Variants in PCDHGB4 observed in about 807,000 individuals in gnomAD.
PCDHGB4 encodes protocadherin gamma subfamily B, 4.
A neutral mutation model predicts 60.5 loss-of-function variants in PCDHGB4; 38 were observed. That is an observed-to-expected ratio of 0.63 (90% CI 0.48 to 0.82). PCDHGB4 has a LOEUF of 0.82. Ranked by LOEUF, PCDHGB4 falls within the 40% of genes least tolerant of loss-of-function variation. The probability of loss-of-function intolerance (pLI) is 0.00; values close to 1 mark genes in which losing one functional copy is unlikely to be tolerated. For missense variants in PCDHGB4, 1,109 were observed against 1,209.6 expected, an observed-to-expected ratio of 0.92 and a Z score of 1.23; for synonymous variants, 456 against 509.7, an observed-to-expected ratio of 0.89 and a Z score of 1.42.
chr5:141,492,079 G>C (rs1400390407), intron 1 of PCDHGB4: 3 of 486,286 alleles, frequency 6.2e-6, no homozygotes, highest in South Asian at 4.1e-5. Flanking sequence ...CGCCGGCTCC[G>C]GCACGCTTCG....
intron 3 of PCDHGB4, among the ~76,000 whole-genome samples, chr5:141,509,420 G>A (rs1384424118): frequency 6.6e-6 from 1 of 152,128 alleles, no homozygotes; most frequent in East Asian, 1.9e-4. Context: ...GAGCCCCAAT[G>A]AGTCAAACTC....
In PCDHGB4 at chr5:141,476,933, GA is replaced by G; in HGVS notation, c.2398-17872del. 1 of 1,614,176 alleles carries G rather than the reference GA, an allele frequency of 6.2e-7. No individual in the cohort carries two copies. Reference sequence around the variant, plus strand: ...ACAAGTCCTTGCAACGGATCTGGATGAAGGCCCCAACGGTGAAATTATTTAC... The same window carrying G: ...ACAAGTCCTTGCAACGGATCTGGATGAGGCCCCAACGGTGAAATTATTTAC... On this transcript the variant is annotated intron_variant, in intron 1 of 3. Transcript: ENST00000519479. This position sits in a 1 kb window ranked among gnomAD's most constrained non-coding sequence, Gnocchi z 7.6.
At chr5:141,409,573 C>T (rs562811168) in intron 1 of PCDHGB4, 4 of 1,613,934 alleles carry the variant, frequency 2.5e-6, no homozygotes, top group African/African-American at 2.7e-5. Flanking sequence ...AGACGTCCTA[C>T]GTGGTCCACG....
chr5:141,403,367 G>A (rs753470303), intron 1 of PCDHGB4: 1 of 1,614,038 alleles, frequency 6.2e-7, no homozygotes, highest in South Asian at 1.1e-5. Context: ...CGAAAGTCTG[G>A]AAGTAAAAAT....
intron 1 of PCDHGB4, among the ~76,000 whole-genome samples, chr5:141,469,489 C>T (rs1013080566): frequency 4.6e-5 from 7 of 151,928 alleles, no homozygotes; most frequent in Middle Eastern, 3.4e-3. Context: ...GCAGGAGAAT[C>T]GCTTGAACCC....
intron 1 of PCDHGB4, chr5:141,399,577 T>C: frequency 1.2e-6 from 2 of 1,613,972 alleles, no homozygotes; most frequent in Non-Finnish European, 1.7e-6. Context: ...CGGCCAAGTC[T>C]CCTACTCTAT....
chr5:141,501,132 G>T (rs371444727), intron 2 of PCDHGB4, among the ~76,000 whole-genome samples: 2 of 152,262 alleles, frequency 1.3e-5, no homozygotes, highest in East Asian at 3.9e-4. Flanking sequence ...CTCCCTAAGT[G>T]CTGGGATTAC....
rs527630741 is a variant in PCDHGB4, at chr5:141,493,568, G to A, written c.2398-1239G>A. ...TTGGAGATTGAGTTCCCCCAGCTCC[G>A]TTTCCTCCTATCACAATCACTGCAT... is the stretch of plus-strand genomic sequence containing the variant. On this transcript the variant is annotated intron_variant, in intron 1 of 3. Coordinates refer to ENST00000519479, the MANE Select transcript of PCDHGB4 (RefSeq NM_003736.4). This position sits in a 1 kb window ranked among gnomAD's most constrained non-coding sequence, Gnocchi z 4.3. 3.9e-5 allele frequency among the ~76,000 whole-genome samples: 6 copies of A among 152,250 alleles called. No homozygotes were observed. Among genetic ancestry groups the A allele is most frequent in the African/African-American group, 9.6e-5 (4 of 41,550 alleles).
intron 1 of PCDHGB4, among the ~76,000 whole-genome samples, chr5:141,472,590 C>T (rs1161871973): frequency 6.6e-6 from 1 of 151,908 alleles, no homozygotes; most frequent in Non-Finnish European, 1.5e-5. Flanking sequence ...GTCAGAAGCT[C>T]TCTTGAAATT....
chr5:141,413,288 C>T (rs2095623576), intron 1 of PCDHGB4: 2 of 1,613,950 alleles, frequency 1.2e-6, no homozygotes, highest in East Asian at 4.5e-5. Flanking sequence ...ATCTCCTACT[C>T]AATTCCTGAG....
intron 1 of PCDHGB4, chr5:141,397,972 G>T: frequency 2.6e-6 from 3 of 1,155,564 alleles, no homozygotes; most frequent in Non-Finnish European, 3.6e-6. Flanking sequence ...ACTCCCCAGC[G>T]CCGGCCTTTA....
Position 141,389,844 on chromosome 5 carries a change from G to C in PCDHGB4, c.1960G>C (p.Ala654Pro). 1 of 1,614,014 alleles carries C rather than the reference G, an allele frequency of 6.2e-7. No homozygotes were observed. The highest frequency in any genetic ancestry group is 8.5e-7 in the Non-Finnish European group (1 of 1,179,904). Residue 654 changes from alanine to proline, a missense_variant, in exon 1 of 4, where the codon GCC (alanine) becomes CCC (proline). Ala to Pro is a conservative substitution (Grantham distance 27, BLOSUM62 -1). This residue lies in a region of PCDHGB4 where 1,068 missense variants were observed against 1,089.9 expected (regional missense o/e 0.98). Coordinates refer to ENST00000519479, the MANE Select transcript of PCDHGB4 (RefSeq NM_003736.4). ...TGACGGTGGACAGCCACCACTCTCG[G>C]CCACTGCCACGTTGCACCTGGTCTT... ...VRDGGQPPLS[A>P]TATLHLVFAD...
In PCDHGB4 at chr5:141,485,219, A is replaced by C. The variant is rs954128321; in HGVS notation, c.2398-9588A>C. 20 of 1,613,930 alleles carry C rather than the reference A, an allele frequency of 1.2e-5. No individual in the cohort carries two copies. The highest frequency in any genetic ancestry group is 1.6e-5 in the Non-Finnish European group (19 of 1,179,944). On this transcript the variant is annotated intron_variant, in intron 1 of 3. Coordinates refer to ENST00000519479, the MANE Select transcript of PCDHGB4 (RefSeq NM_003736.4). The surrounding 1 kb of genome is among the most constrained non-coding windows in gnomAD (Gnocchi z 5.7). The stretch of plus-strand genomic sequence containing the variant: ...CTGGACAGAAATCTGGCGGTGGGCT[A>C]CCCTTTTGTTCCTCTTTTACCACCT...
chr5:141,417,387 G>GA (rs1356605500), intron 1 of PCDHGB4: 1 of 154,090 alleles, frequency 6.5e-6, no homozygotes, highest in Non-Finnish European at 1.4e-5. Context: ...AAATTTTGAA[G>GA]AAAAAATATT....
At chr5:141,413,697 T>G in intron 1 of PCDHGB4, 4 of 1,613,632 alleles carry the variant, frequency 2.5e-6, no homozygotes, top group Non-Finnish European at 3.4e-6. Flanking sequence ...TGCAGAGCTA[T>G]CAGCTCAGCC....
chr5:141,432,873 T>G lies in PCDHGB4; in HGVS notation c.2397+42592T>G, dbSNP rs753576338. The stretch of plus-strand genomic sequence containing the variant: ...GTGGCCGCGGTCTCCTGCGTCTTCC[T>G]GGCCTTCGTCATCTTGCTGCTGGCG... On this transcript the variant is annotated intron_variant, in intron 1 of 3. Transcript: ENST00000519479. This position sits in a 1 kb window ranked among gnomAD's most constrained non-coding sequence, Gnocchi z 6.0. 4 of 1,614,204 alleles carry G rather than the reference T, an allele frequency of 2.5e-6. No homozygotes were observed. The highest frequency in any genetic ancestry group is 3.4e-6 in the Non-Finnish European group (4 of 1,180,014).
chr5:141,451,579 A>G (rs1222576609), intron 1 of PCDHGB4, among the ~76,000 whole-genome samples: 1 of 152,084 alleles, frequency 6.6e-6, no homozygotes, highest in Non-Finnish European at 1.5e-5. Flanking sequence ...TTATAAACCT[A>G]ATTTTGAAAG....
chr5:141,420,357 CT>C, intron 1 of PCDHGB4: 1 of 1,376,278 alleles, frequency 7.3e-7, no homozygotes, highest in Non-Finnish European at 9.6e-7. Context: ...TTTTAAGATT[CT>C]AGATAACTTC....
chr5:141,511,733 T>C lies in PCDHGB4; in HGVS notation c.*560T>C, dbSNP rs1032711521. 9 of 177,040 alleles carry C rather than the reference T, an allele frequency of 5.1e-5. No individual in the cohort carries two copies. The highest frequency in any genetic ancestry group is 8.7e-5 in the Non-Finnish European group (7 of 80,868). The allele number at this position is 177,040 out of a possible 1,614,324, so 11.0% of individuals were successfully genotyped here. ...TCCTTCCAGAGCCCAAGATCAATGC[T>C]CAAGTTTTGGAGGACATGATCACCA... On this transcript the variant is annotated 3_prime_UTR_variant, in exon 4 of 4. Transcript: ENST00000519479.
Sources: gnomAD v4.1 joint callset for allele counts (sites outside exome capture counted in the v4.1 genomes callset) on GRCh38, gnomAD v4.1.1 for gene constraint, gnomAD v4.1.1 regional missense constraint, Gnocchi (gnomAD v3.1) non-coding constraint, MANE v1.5 for transcripts, NCBI Gene and HGNC (gene_info 2026-07-23, HGNC 2026-07-21) for gene names.